Variants in LUZP2 observed in about 807,000 individuals in gnomAD.
LUZP2 encodes leucine zipper protein 2.
In LUZP2, 52 loss-of-function variants were observed where a neutral mutation model predicts 51.6. The ratio of observed to expected loss-of-function variants is 1.01; its 90% CI spans 0.81 to 1.27. The LOEUF (loss-of-function observed/expected upper bound fraction) is 1.27, where lower values mean the gene tolerates loss of function less well. Ranked by LOEUF, LUZP2 falls within the 50% of genes most tolerant of loss-of-function variation. The pLI is 0.00. For missense variants in LUZP2, 436 were observed against 395.4 expected (o/e 1.10, Z -0.87); for synonymous variants, 154 against 137.3 (o/e 1.12, Z -0.85).
chr11:24,624,792 A>G (rs1346788137), intron 1 of LUZP2, among the ~76,000 whole-genome samples: 2 of 152,182 alleles, frequency 1.3e-5, no homozygotes, highest in Non-Finnish European at 2.9e-5. Flanking sequence ...TGCTTTATGA[A>G]GTACCTCGTA....
intron 9 of LUZP2, among the ~76,000 whole-genome samples, chr11:25,007,561 C>A (rs1232824445): frequency 6.6e-6 from 1 of 152,076 alleles, no homozygotes; most frequent in Non-Finnish European, 1.5e-5. Flanking sequence ...CGAGCTCACA[C>A]CACTGTACTC....
intron 5 of LUZP2, among the ~76,000 whole-genome samples, chr11:24,896,432 T>C (rs10082639): frequency 0.57 from 86,613 of 152,070 alleles, 25,118 homozygotes; most frequent in East Asian, 0.78. Context: ...GCTTAGCACC[T>C]GGGCCAGCAG....
intron 1 of LUZP2, among the ~76,000 whole-genome samples, chr11:24,718,971 AT>A (rs1320500795): frequency 6.6e-6 from 1 of 152,202 alleles, no homozygotes; most frequent in Non-Finnish European, 1.5e-5. Flanking sequence ...TTTTCAAGAA[AT>A]TCTCTTTGAT....
In LUZP2 at chr11:25,042,227, T is replaced by TA. The variant is rs1554959777; in HGVS notation, c.766-7809dup. Among the ~76,000 whole-genome samples the TA allele has an allele frequency of 5.3e-5, 8 of 151,962 alleles. No individual in the cohort carries two copies. The East Asian group carries it at 1.5e-3, about 29-fold the overall frequency. ...TATGTAATATGCATGCTATTTTTTT[T>TA]AATGGCACAAGAAAAAGACTAATAT... On this transcript the variant is annotated intron_variant, in intron 9 of 11. Coordinates refer to ENST00000336930, the MANE Select transcript of LUZP2 (RefSeq NM_001009909.4).
chr11:24,936,201 C>T (rs1324034241), intron 7 of LUZP2, among the ~76,000 whole-genome samples: 1 of 152,056 alleles, frequency 6.6e-6, no homozygotes, highest in Non-Finnish European at 1.5e-5. Flanking sequence ...AATTGTAGAG[C>T]TCATGGAAGC....
intron 1 of LUZP2, among the ~76,000 whole-genome samples, chr11:24,629,442 CAT>C (rs1004688557): frequency 4.7e-5 from 7 of 147,998 alleles, no homozygotes; most frequent in Admixed American, 6.8e-5. Context: ...TATTCCATTG[CAT>C]ATATATATAT....
intron 7 of LUZP2, among the ~76,000 whole-genome samples, chr11:24,965,649 A>G (rs999867980): frequency 6.6e-6 from 1 of 151,864 alleles, no homozygotes; most frequent in African/African-American, 2.4e-5. Flanking sequence ...CTAGTATGAT[A>G]ATTTTACATA....
intron 4 of LUZP2, chr11:24,762,936 A>G: frequency 1.1e-6 from 1 of 941,448 alleles, no homozygotes; most frequent in Non-Finnish European, 1.3e-6. Context: ...CTTTTTTTAA[A>G]GAACCACATT....
chr11:24,604,550 A>G (rs2133873302), intron 1 of LUZP2, among the ~76,000 whole-genome samples: 1 of 152,052 alleles, frequency 6.6e-6, no homozygotes, highest in South Asian at 2.1e-4. Flanking sequence ...GAGAAAGTGA[A>G]GACACCAGAT....
intron 5 of LUZP2, among the ~76,000 whole-genome samples, chr11:24,783,433 A>G (rs1331565256): frequency 6.6e-6 from 1 of 152,012 alleles, no homozygotes; most frequent in Non-Finnish European, 1.5e-5. Flanking sequence ...TGCTAATCAT[A>G]ATTTAAAAAT....
At chr11:24,517,330 A>G (rs1037608664) in intron 1 of LUZP2, among the ~76,000 whole-genome samples, 2 of 151,564 alleles carry the variant, frequency 1.3e-5, no homozygotes, top group Non-Finnish European at 2.9e-5. Flanking sequence ...CTAAACATAC[A>G]AAAAGATTAG....
At chr11:24,639,355 C>T in intron 1 of LUZP2, among the ~76,000 whole-genome samples, 1 of 151,550 alleles carries the variant, frequency 6.6e-6, no homozygotes, top group East Asian at 1.9e-4. Flanking sequence ...GTATATTTTC[C>T]AGCTTCAATT....
rs192706568 is a variant in LUZP2 at position 25,000,124 on chromosome 11, C to A, written c.765+16831C>A. 3.5e-5 allele frequency among the ~76,000 whole-genome samples: 5 copies of A among 144,638 alleles called. No individual in the cohort carries two copies. The East Asian group carries it at 1.1e-3, about 31-fold the overall frequency. The allele number at this position is 144,638 out of a possible 152,430, so 94.9% of individuals were successfully genotyped here. A position where few individuals can be genotyped will look rare whatever the true frequency, so the allele number is the denominator to read the frequency against. ...GCGGTTACAAACCTTTAGCTAGACA[C>A]AAAGTGCTGATTGGTGCATTTTTAC... is the stretch of plus-strand genomic sequence containing the variant. On this transcript the variant is annotated intron_variant, in intron 9 of 11. Coordinates refer to ENST00000336930, the MANE Select transcript of LUZP2 (RefSeq NM_001009909.4).
At chr11:24,621,945 T>C (rs895776836) in intron 1 of LUZP2, among the ~76,000 whole-genome samples, 45 of 148,620 alleles carry the variant, frequency 3.0e-4, no homozygotes, top group African/African-American at 9.9e-4. Context: ...AAAACACTCC[T>C]TTCCACATAC....
chr11:24,733,770 A>C lies in LUZP2; in HGVS notation c.251+1582A>C, dbSNP rs562317743. Among the ~76,000 whole-genome samples, 592 of 151,882 alleles carry C rather than the reference A, an allele frequency of 3.9e-3. 2 individuals carry two copies. Among genetic ancestry groups the C allele is most frequent in the African/African-American group, 0.013 (551 of 41,538 alleles). On this transcript the variant is annotated intron_variant, in intron 3 of 11. Transcript: ENST00000336930. ...AAAAAAATTTTAAAAAAACCATGAA[A>C]AGAGACCAAGAGATGCTGAAAATGA...
chr11:24,693,296 G>A (rs1857137387), intron 1 of LUZP2, among the ~76,000 whole-genome samples: 1 of 151,242 alleles, frequency 6.6e-6, no homozygotes, highest in Non-Finnish European at 1.5e-5. Flanking sequence ...AATATTTTCT[G>A]TGAAATTTAA....
At chr11:25,065,514 T>C (rs77238145) in intron 10 of LUZP2, among the ~76,000 whole-genome samples, 6 of 151,924 alleles carry the variant, frequency 3.9e-5, no homozygotes, top group East Asian at 1.9e-4. Context: ...AATTGAGTAA[T>C]CCAAGGCCAC....
intron 1 of LUZP2, among the ~76,000 whole-genome samples, chr11:24,539,332 T>C (rs1851283262): frequency 6.6e-6 from 1 of 151,968 alleles, no homozygotes; most frequent in Non-Finnish European, 1.5e-5. Flanking sequence ...AATTTGAATA[T>C]ATGTGTGCTA....
At chr11:25,048,400 CAA>C (rs1858386845) in intron 9 of LUZP2, among the ~76,000 whole-genome samples, 1 of 152,122 alleles carries the variant, frequency 6.6e-6, no homozygotes, top group South Asian at 2.1e-4. Context: ...AAAATATACA[CAA>C]GTCTGTTCTG....
Sources: allele counts gnomAD v4.1 joint callset (sites outside exome capture counted in the v4.1 genomes callset), GRCh38; gene constraint gnomAD v4.1.1; transcripts MANE v1.5; gene names NCBI Gene and HGNC (gene_info 2026-07-23, HGNC 2026-07-21).